The following WDR11 variants were observed in gnomAD, a reference collection of about 807,000 sequenced individuals.
WDR11 encodes the protein WD repeat domain 11.
In WDR11, 83 loss-of-function variants were observed where a neutral mutation model predicts 151.2. That is an observed-to-expected ratio of 0.55 (90% CI 0.46 to 0.66). The LOEUF (loss-of-function observed/expected upper bound fraction) is 0.66, where lower values mean the gene tolerates loss of function less well. WDR11 is among the 30% of genes least tolerant of loss of function. WDR11 has a pLI of 0.00. For synonymous variants in WDR11, 484 were observed against 533.1 expected (o/e 0.91, Z 1.27); for missense variants, 1,301 against 1,480.9 (o/e 0.88, Z 1.99).
chr10:120,865,738 G>T lies in WDR11; in HGVS notation c.988G>T (p.Glu330Ter). ...TAACATTTTTACCACTTCAAATGAG[G>T]AACCAGGTGAGTTTCTGTCTCACAA... ...YNNIFTTSNEEPDPDPVQELT... is the reference protein window; with the variant it reads ...YNNIFTTSNE Residue 330 changes from glutamate to a stop codon, truncating the protein, a stop_gained, in exon 7 of 29, where the codon GAA becomes TAA. Coordinates refer to ENST00000263461, the MANE Select transcript of WDR11 (RefSeq NM_018117.12). LOFTEE classifies it high-confidence loss of function. 1 of 1,589,092 alleles carries T rather than the reference G, an allele frequency of 6.3e-7. No homozygotes were observed. The highest frequency in any genetic ancestry group is 1.1e-5 in the South Asian group (1 of 90,146).
At chr10:120,889,337 A>C in intron 17 of WDR11, 153 bp downstream of exon 17, 2 of 629,024 alleles carry the variant, frequency 3.2e-6, no homozygotes, top group East Asian at 6.1e-5. Context: ...TCCCGGGTTC[A>C]TGCCATTCTC....
intron 13 of WDR11, among the ~76,000 whole-genome samples, chr10:120,882,561 A>G (rs1003942169): frequency 2.9e-5 from 4 of 137,976 alleles, no homozygotes; most frequent in African/African-American, 8.4e-5. Context: ...TTTTTCATAA[A>G]TATAGGACTA....
chr10:120,879,492 T>C (rs1846922335), intron 12 of WDR11: 1 of 152,176 alleles, frequency 6.6e-6, no homozygotes, highest in African/African-American at 2.4e-5. Flanking sequence ...TCTAGTATCA[T>C]TGACTTAAAA....
At chr10:120,881,682 TAC>T (rs1424514249) in intron 13 of WDR11, among the ~76,000 whole-genome samples, 1 of 152,180 alleles carries the variant, frequency 6.6e-6, no homozygotes, top group East Asian at 1.9e-4. Context: ...TATATTAAAA[TAC>T]AGTTAATTTT....
At chr10:120,897,311 T>C (rs1019339912) in intron 19 of WDR11, among the ~76,000 whole-genome samples, 3 of 152,150 alleles carry the variant, frequency 2.0e-5, no homozygotes, top group African/African-American at 7.2e-5. Context: ...CCCGATACAA[T>C]AATTAATTGT....
At chr10:120,874,326 T>G (rs1444257654) in intron 11 of WDR11, among the ~76,000 whole-genome samples, 1 of 151,700 alleles carries the variant, frequency 6.6e-6, no homozygotes, top group Non-Finnish European at 1.5e-5. Flanking sequence ...TCTCACTGGA[T>G]ATCCTTACGT....
intron 28 of WDR11, chr10:120,908,223 TAA>T: frequency 5.8e-6 from 2 of 342,976 alleles, no homozygotes; most frequent in South Asian, 5.7e-5. Flanking sequence ...ATATGCAGGT[TAA>T]GTTTCTCCTC....
chr10:120,862,257 A>G (rs1168566571), intron 4 of WDR11, among the ~76,000 whole-genome samples: 1 of 149,924 alleles, frequency 6.7e-6, no homozygotes, highest in Non-Finnish European at 1.5e-5. Flanking sequence ...CTCCTGCCTC[A>G]CTCTCCTGAG....
At chr10:120,866,511 A>G (rs1252619757) in intron 7 of WDR11, 58 bp from the exon 8 acceptor site, 51 of 1,596,090 alleles carry the variant, frequency 3.2e-5, no homozygotes, top group Non-Finnish European at 4.4e-5. Flanking sequence ...AAATTGAAAC[A>G]AACAGTAGTG....
chr10:120,888,156 TAGAG>T (rs1847290361), intron 16 of WDR11, among the ~76,000 whole-genome samples: 1 of 152,206 alleles, frequency 6.6e-6, no homozygotes, highest in African/African-American at 2.4e-5. Flanking sequence ...TTTTAATAAA[TAGAG>T]AAGTAATTGA....
At chr10:120,851,564 G>A in intron 1 of WDR11, 58 bp downstream of exon 1, 1 of 1,573,144 alleles carries the variant, frequency 6.4e-7, no homozygotes, top group Non-Finnish European at 8.6e-7. Context: ...GAGGGGGAAG[G>A]GGGAAGGACA....
Position 120,860,134 on chromosome 10 carries a change from T to C in WDR11, c.378T>C (p.Asp126=). The C allele has an allele frequency of 1.2e-6, 2 of 1,614,218 alleles. No homozygotes were observed. Among genetic ancestry groups the C allele is most frequent in the Non-Finnish European group, 1.7e-6 (2 of 1,180,038 alleles). The change falls in exon 4 of 29, where the codon GAT becomes GAC. Residue 126 remains aspartate (D), a synonymous_variant. Transcript: ENST00000263461. The part of the protein sequence containing the change: ...IQDVQWLWNQ[D]ASRDLLLAIH... ...ATGTTCAGTGGTTGTGGAATCAAGA[T>C]GCTTCCCGCGATTTACTGCTTGCTA...
At chr10:120,872,584 GT>G (rs1320520265) in intron 10 of WDR11, among the ~76,000 whole-genome samples, 1 of 140,478 alleles carries the variant, frequency 7.1e-6, no homozygotes, top group Non-Finnish European at 1.6e-5. Flanking sequence ...GTACCTAAAA[GT>G]TTGTCTAGAG....
At chr10:120,874,048 A>AT in intron 11 of WDR11, 125 bp downstream of exon 11, 1 of 687,624 alleles carries the variant, frequency 1.5e-6, no homozygotes, top group Non-Finnish European at 2.7e-6. Context: ...TTTGAATAAT[A>AT]TTCATGTCCA....
chr10:120,856,919 G>A (rs1369108102), intron 2 of WDR11, among the ~76,000 whole-genome samples: 1 of 152,054 alleles, frequency 6.6e-6, no homozygotes, highest in Non-Finnish European at 1.5e-5. Flanking sequence ...TGCTCCTAGG[G>A]GTTAGGTTCT....
At chr10:120,862,479 C>G (rs1420570155) in intron 4 of WDR11, 1 of 353,594 alleles carries the variant, frequency 2.8e-6, no homozygotes, top group Non-Finnish European at 5.1e-6. Context: ...CTTGTTCTTT[C>G]TGCCAATAAC....
At chr10:120,893,859 G>A (rs1264898783) in intron 19 of WDR11, among the ~76,000 whole-genome samples, 2 of 151,106 alleles carry the variant, frequency 1.3e-5, no homozygotes, top group Non-Finnish European at 3.0e-5. Context: ...TTTTGATGGG[G>A]TTGTTTGTTT....
At chr10:120,876,796 T>C (rs529598570) in intron 11 of WDR11, among the ~76,000 whole-genome samples, 5 of 152,288 alleles carry the variant, frequency 3.3e-5, no homozygotes, top group African/African-American at 1.2e-4. Flanking sequence ...TACAATCGTA[T>C]GGGGCAGGTA....
chr10:120,876,596 G>A (rs2133768211), intron 11 of WDR11, among the ~76,000 whole-genome samples: 1 of 152,276 alleles, frequency 6.6e-6, no homozygotes, highest in Middle Eastern at 3.4e-3. Flanking sequence ...TGCTTACACT[G>A]CTGAATCTTC....
Sources: allele counts gnomAD v4.1 joint callset (sites outside exome capture counted in the v4.1 genomes callset), GRCh38; gene constraint gnomAD v4.1.1; transcripts MANE v1.5; gene names NCBI Gene and HGNC (gene_info 2026-07-23, HGNC 2026-07-21).